Variants in SCN3A observed in about 807,000 individuals in gnomAD.
The protein encoded by SCN3A is sodium channel protein type 3 subunit alpha.
In SCN3A, 60 loss-of-function variants were observed where a neutral mutation model predicts 187.6. The ratio of observed to expected loss-of-function variants is 0.32; its 90% CI spans 0.26 to 0.40. SCN3A has a LOEUF of 0.40. SCN3A is among the 10% of genes least tolerant of loss of function. The probability of loss-of-function intolerance (pLI) is 1.00; values close to 1 mark genes in which losing one functional copy is unlikely to be tolerated. For missense variants in SCN3A, 1,601 were observed against 2,428.2 expected (o/e 0.66, Z 7.16); for synonymous variants, 788 against 829.2 (o/e 0.95, Z 0.85).
At chr2:165,158,118 C>T (rs1041115389) in intron 9 of SCN3A, among the ~76,000 whole-genome samples, 3 of 152,162 alleles carry the variant, frequency 2.0e-5, no homozygotes, top group African/African-American at 7.2e-5. Context: ...CTTCTAGGCC[C>T]TCTCAGCTGA....
At chr2:165,164,660 C>A in intron 5 of SCN3A, 140 bp from the exon 6 acceptor site, 9 of 945,754 alleles carry the variant, frequency 9.5e-6, no homozygotes, top group Non-Finnish European at 1.4e-5. Flanking sequence ...ACCAAATAAT[C>A]TATTCATTTA....
At chr2:165,164,268 C>A (rs917364296) in intron 6 of SCN3A, 124 bp downstream of exon 6, 1 of 1,222,858 alleles carries the variant, frequency 8.2e-7, no homozygotes. Context: ...TCTTAAAATA[C>A]ACAATCCATA....
At chr2:165,169,894 A>T (rs573589229) in intron 4 of SCN3A, among the ~76,000 whole-genome samples, 1 of 151,994 alleles carries the variant, frequency 6.6e-6, no homozygotes, top group East Asian at 1.9e-4. Context: ...AACCAGGTAC[A>T]TGAGCACATA....
chr2:165,187,041 G>T (rs999036785), intron 1 of SCN3A, among the ~76,000 whole-genome samples: 5 of 152,102 alleles, frequency 3.3e-5, no homozygotes, highest in Admixed American at 3.3e-4. Flanking sequence ...GCACTCCTGA[G>T]CATCCTTCTG....
At position 165,139,603 on chromosome 2, in the gene SCN3A, G is replaced by A. The variant is rs373293294; in HGVS notation, c.2025C>T (p.Thr675=). ...TCTTTCTGACTTCCGTTTCTGTGGT[G>A]GTGCCCTGCAAACCAAATACTGATG... The part of the protein sequence containing the change: ...SPTGQLPPEG[T]TTETEVRKRR... Residue 675 remains threonine, a synonymous_variant, in exon 14 of 28, where the codon ACC becomes ACT. Coordinates refer to ENST00000283254, the MANE Select transcript of SCN3A (RefSeq NM_006922.4). 1.2e-6 allele frequency: 2 copies of A among 1,613,712 alleles called. No homozygotes were observed. Among genetic ancestry groups the A allele is most frequent in the Non-Finnish European group, 1.7e-6 (2 of 1,179,794 alleles).
At chr2:165,173,901 T>A (rs535515524) in intron 3 of SCN3A, among the ~76,000 whole-genome samples, 2 of 152,294 alleles carry the variant, frequency 1.3e-5, no homozygotes, top group African/African-American at 2.4e-5. Flanking sequence ...TCACAGCCAC[T>A]ATGAATAAAT....
chr2:165,202,930 A>T (rs1408061448), intron 1 of SCN3A, among the ~76,000 whole-genome samples: 1 of 152,024 alleles, frequency 6.6e-6, no homozygotes, highest in East Asian at 1.9e-4. Context: ...ATAATTTCTT[A>T]TTCTAATTAT....
At chr2:165,108,584 G>A (rs184304730) in intron 21 of SCN3A, among the ~76,000 whole-genome samples, 81 of 152,190 alleles carry the variant, frequency 5.3e-4, no homozygotes, top group African/African-American at 1.9e-3. Context: ...AGAATCAAAC[G>A]AAGTTTTTAT....
intron 3 of SCN3A, among the ~76,000 whole-genome samples, chr2:165,172,405 G>A (rs1668746450): frequency 6.6e-6 from 1 of 152,136 alleles, no homozygotes; most frequent in African/African-American, 2.4e-5. Flanking sequence ...CTAGCAGTAG[G>A]ACTGTGTGTA....
At chr2:165,143,446 A>G (rs1688135013) in intron 12 of SCN3A, among the ~76,000 whole-genome samples, 1 of 152,146 alleles carries the variant, frequency 6.6e-6, no homozygotes. Context: ...GGCGTTCCAG[A>G]TCTCTGAGTT....
At chr2:165,200,434 CT>C (rs1212472928) in intron 1 of SCN3A, among the ~76,000 whole-genome samples, 1 of 151,874 alleles carries the variant, frequency 6.6e-6, no homozygotes, top group Non-Finnish European at 1.5e-5. Context: ...GTGTTAATTT[CT>C]TGGTGAAAAA....
intron 10 of SCN3A, 89 bp downstream of exon 10, chr2:165,155,673 A>G (rs2105865883): frequency 6.8e-7 from 1 of 1,474,752 alleles, no homozygotes; most frequent in Non-Finnish European, 9.5e-7. Context: ...TGCTAGGGTT[A>G]CAGGCATGAG....
intron 22 of SCN3A, among the ~76,000 whole-genome samples, chr2:165,099,784 C>G (rs1205654522): frequency 2.6e-5 from 4 of 152,160 alleles, no homozygotes; most frequent in African/African-American, 4.8e-5. Context: ...ATTACCTTAA[C>G]CCTTCACTTT....
chr2:165,192,084 G>A (rs1400637730), intron 1 of SCN3A, among the ~76,000 whole-genome samples: 1 of 151,864 alleles, frequency 6.6e-6, no homozygotes, highest in Non-Finnish European at 1.5e-5. Context: ...ACTTTGTTTT[G>A]TATTATATAG....
intron 3 of SCN3A, among the ~76,000 whole-genome samples, chr2:165,174,951 G>A (rs1323178868): frequency 6.6e-6 from 1 of 152,168 alleles, no homozygotes; most frequent in Admixed American, 6.5e-5. Context: ...ACAGCCTGAT[G>A]ATTTGTAAGA....
intron 21 of SCN3A, 24 bp downstream of exon 21, chr2:165,112,861 A>G: frequency 1.2e-6 from 2 of 1,603,200 alleles, no homozygotes; most frequent in East Asian, 2.2e-5. Context: ...AAACAATTTT[A>G]TAAAAATCAC....
At position 165,130,307 on chromosome 2, in the gene SCN3A, G is replaced by A. The variant is rs751604142; in HGVS notation, c.2566-11C>T. ...CTTGAAAACTCTAAGCTGTAATCAA[G>A]TGAAAAGATGCTGTTAGTAGTAATC... On this transcript the variant is annotated splice_polypyrimidine_tract_variant and intron_variant, in intron 16 of 27. Coordinates refer to ENST00000283254, the MANE Select transcript of SCN3A (RefSeq NM_006922.4). The A allele has an allele frequency of 6.2e-7, 1 of 1,611,978 alleles. No homozygotes were observed.
intron 1 of SCN3A, among the ~76,000 whole-genome samples, chr2:165,188,060 A>T (rs976519679): frequency 2.6e-5 from 4 of 152,184 alleles, no homozygotes; most frequent in Non-Finnish European, 5.9e-5. Flanking sequence ...ATACATTTTT[A>T]AAATATTTGA....
At chr2:165,141,800 G>A (rs1311965998) in intron 12 of SCN3A, among the ~76,000 whole-genome samples, 1 of 152,136 alleles carries the variant, frequency 6.6e-6, no homozygotes, top group Non-Finnish European at 1.5e-5. Context: ...CATATAACAT[G>A]ACTTCACCAG....
Sources: gnomAD v4.1 joint callset for allele counts (sites outside exome capture counted in the v4.1 genomes callset) on GRCh38, gnomAD v4.1.1 for gene constraint, MANE v1.5 for transcripts, NCBI Gene and HGNC (gene_info 2026-07-23, HGNC 2026-07-21) for gene names.